The following ITGA8 variants were observed in gnomAD, a reference collection of about 807,000 sequenced individuals.
ITGA8 encodes integrin subunit alpha 8.
A neutral mutation model predicts 142.3 loss-of-function variants in ITGA8; 91 were observed. The observed-to-expected ratio is 0.64, with a 90% CI of 0.54 to 0.76. The LOEUF is 0.76. Ranked by LOEUF, ITGA8 falls within the 30% of genes least tolerant of loss-of-function variation. The pLI is 0.00. For synonymous variants in ITGA8, 505 were observed against 485.2 expected, an observed-to-expected ratio of 1.04 and a Z score of -0.54; for missense variants, 1,406 against 1,327.7, an observed-to-expected ratio of 1.06 and a Z score of -0.92.
At chr10:15,592,349 A>T (rs1832941591) in intron 21 of ITGA8, 45 bp from the exon 22 acceptor site, 1 of 1,401,462 alleles carries the variant, frequency 7.1e-7, no homozygotes, top group East Asian at 2.3e-5. Context: ...TGTACACAAC[A>T]TAAAAATATT....
Position 15,558,145 on chromosome 10 carries a change from T to G in ITGA8, c.2695A>C (p.Ile899Leu). Residue 899 changes from isoleucine (I) to leucine (L), a missense_variant, in exon 26 of 30, where the codon ATT becomes CTT. Transcript: ENST00000378076. ...TCCCTCTTCCTGACAAGATGAGGAA[T>G]AGTAGAGTTTCGCAAAAAGGCGCTG... ...ELSAFLRNST[I>L]PHLVRKRDVH... 1 of 1,614,214 alleles carries G rather than the reference T, an allele frequency of 6.2e-7. No individual in the cohort carries two copies. Among genetic ancestry groups the G allele is most frequent in the Middle Eastern group, 1.7e-4 (1 of 6,056 alleles).
chr10:15,713,670 C>T (rs1835400370), intron 2 of ITGA8, among the ~76,000 whole-genome samples: 1 of 152,092 alleles, frequency 6.6e-6, no homozygotes, highest in Non-Finnish European at 1.5e-5. Context: ...TATAAAAAAA[C>T]AACCCTAAGC....
chr10:15,663,419 A>T (rs1834326873), intron 8 of ITGA8, among the ~76,000 whole-genome samples: 1 of 152,198 alleles, frequency 6.6e-6, no homozygotes. Context: ...TCCTCAAAAC[A>T]CTTAAAACCC....
In ITGA8 at chr10:15,517,030, C is replaced by CATT; in HGVS notation, c.*127_*128insAAT. ...GTGCGGTGTAGATGAGGTGATGTTT[C>CATT]CAGGGTCCCCTCCATTTCCTGGGTC... is the stretch of plus-strand genomic sequence containing the variant. On this transcript the variant is annotated 3_prime_UTR_variant, in exon 30 of 30. Transcript: ENST00000378076. 1.7e-6 allele frequency: 1 copy of CATT among 579,494 alleles called. No individual in the cohort carries two copies. Among genetic ancestry groups the CATT allele is most frequent in the Non-Finnish European group, 2.9e-6 (1 of 348,260 alleles). The allele number at this position is 579,494 out of a possible 1,614,324, so 35.9% of individuals were successfully genotyped here.
At chr10:15,645,063 C>T (rs935466848) in intron 12 of ITGA8, among the ~76,000 whole-genome samples, 2 of 125,216 alleles carry the variant, frequency 1.6e-5, no homozygotes, top group African/African-American at 6.2e-5. Flanking sequence ...CGTGCCACTG[C>T]ACTCTAGCCT....
chr10:15,521,168 G>A (rs4750664), intron 28 of ITGA8, among the ~76,000 whole-genome samples: 1 of 151,528 alleles, frequency 6.6e-6, no homozygotes, highest in African/African-American at 2.4e-5. Flanking sequence ...ATAGGCATGT[G>A]CCACCACACC....
At position 15,659,279 on chromosome 10, in the gene ITGA8, T is replaced by C. The variant is rs1341106; in HGVS notation, c.892-224A>G. On this transcript the variant is annotated intron_variant, in intron 9 of 29. Coordinates refer to ENST00000378076, the MANE Select transcript of ITGA8 (RefSeq NM_003638.3). ...CTGGGATGCTTTCAGAAAAAACGCA[T>C]GCTTATTAATCTGAACTGGAGAAAT... 0.69 allele frequency among the ~76,000 whole-genome samples: 104,885 copies of C among 151,994 alleles called. 37,449 individuals carry two copies. The highest frequency in any genetic ancestry group is 0.85 in the South Asian group (4,108 of 4,816).
At chr10:15,645,015 C>G (rs958992920) in intron 12 of ITGA8, among the ~76,000 whole-genome samples, 1 of 141,340 alleles carries the variant, frequency 7.1e-6, no homozygotes, top group Non-Finnish European at 1.5e-5. Context: ...TTGCTTGAAC[C>G]TGGGAGGTGG....
At chr10:15,640,466 C>T (rs1315297569) in intron 13 of ITGA8, among the ~76,000 whole-genome samples, 3 of 152,198 alleles carry the variant, frequency 2.0e-5, no homozygotes, top group African/African-American at 7.2e-5. Context: ...AATTGTTTAT[C>T]TTTTTAAGTT....
At chr10:15,593,448 T>G (rs957500319) in intron 21 of ITGA8, among the ~76,000 whole-genome samples, 1 of 152,160 alleles carries the variant, frequency 6.6e-6, no homozygotes, top group Non-Finnish European at 1.5e-5. Context: ...ACCTGAGGAT[T>G]AGAGAGATGA....
rs986824303 is a variant in ITGA8 at position 15,514,833 on chromosome 10, A to G, written c.*2325T>C. ...GTGCCCGTCCCTCTAGGAAAGGGCCATCTTGGCTGAGACTCTGGGATGGTG... is the reference window on the plus strand; with the variant it reads ...GTGCCCGTCCCTCTAGGAAAGGGCCGTCTTGGCTGAGACTCTGGGATGGTG... On this transcript the variant is annotated 3_prime_UTR_variant, in exon 30 of 30. Transcript: ENST00000378076. 1 of 152,304 alleles carries G rather than the reference A, an allele frequency of 6.6e-6. No individual in the cohort carries two copies. Among genetic ancestry groups the G allele is most frequent in the African/African-American group, 2.4e-5 (1 of 41,454 alleles). The allele number at this position is 152,304 out of a possible 1,614,324, so 9.4% of individuals were successfully genotyped here.
At chr10:15,702,728 T>C in intron 2 of ITGA8, among the ~76,000 whole-genome samples, 1 of 152,222 alleles carries the variant, frequency 6.6e-6, no homozygotes, top group Non-Finnish European at 1.5e-5. Flanking sequence ...GTGAAATTCC[T>C]TTTTTCCTTG....
At chr10:15,623,593 G>C (rs1340074480) in intron 13 of ITGA8, among the ~76,000 whole-genome samples, 1 of 152,166 alleles carries the variant, frequency 6.6e-6, no homozygotes, top group Non-Finnish European at 1.5e-5. Context: ...GGCTGAGGCA[G>C]GGGAATCGCT....
chr10:15,614,310 G>A (rs1027396486), intron 14 of ITGA8, among the ~76,000 whole-genome samples: 4 of 152,152 alleles, frequency 2.6e-5, no homozygotes, highest in African/African-American at 7.2e-5. Flanking sequence ...AGCAGGGTTT[G>A]CAGAATAATT....
At chr10:15,622,783 C>G (rs1403722391) in intron 13 of ITGA8, among the ~76,000 whole-genome samples, 2 of 151,746 alleles carry the variant, frequency 1.3e-5, no homozygotes, top group Non-Finnish European at 2.9e-5. Flanking sequence ...AGTATTAAAA[C>G]TATAAACATT....
intron 13 of ITGA8, among the ~76,000 whole-genome samples, chr10:15,628,503 T>G (rs1564381577): frequency 6.6e-6 from 1 of 151,540 alleles, no homozygotes; most frequent in Non-Finnish European, 1.5e-5. Flanking sequence ...TGGCTAATTT[T>G]TTATATTTTT....
At chr10:15,661,542 C>T (rs898311987) in intron 8 of ITGA8, among the ~76,000 whole-genome samples, 1 of 152,206 alleles carries the variant, frequency 6.6e-6, no homozygotes, top group African/African-American at 2.4e-5. Flanking sequence ...TTTATGTCTT[C>T]ATTACGAGTC....
In ITGA8 at chr10:15,516,858, T is replaced by TA. The variant is rs1441879941; in HGVS notation, c.*299dup. The TA allele has an allele frequency of 4.0e-6, 1 of 249,190 alleles. No individual in the cohort carries two copies. The highest frequency in any genetic ancestry group is 7.8e-6 in the Non-Finnish European group (1 of 129,004). The allele number at this position is 249,190 out of a possible 1,614,324, so 15.4% of individuals were successfully genotyped here. A position where few individuals can be genotyped will look rare whatever the true frequency, so the allele number is the denominator to read the frequency against. ...TGCTGGATTGATCTGGACTGCAACT[T>TA]ACGTTCCCATACGCATTTCAAAGTG... On this transcript the variant is annotated 3_prime_UTR_variant, in exon 30 of 30. Coordinates refer to ENST00000378076, the MANE Select transcript of ITGA8 (RefSeq NM_003638.3).
chr10:15,719,586 G>C lies in ITGA8; in HGVS notation c.186C>G (p.Asp62Glu). The C allele has an allele frequency of 6.4e-7, 1 of 1,562,320 alleles. No individual in the cohort carries two copies. Among genetic ancestry groups the C allele is most frequent in the Non-Finnish European group, 8.6e-7 (1 of 1,162,050 alleles). The change falls in exon 1 of 30, where the codon GAC becomes GAG. Residue 62 changes from aspartate (D) to glutamate (E), a missense_variant. By Grantham distance (45) the Asp-to-Glu change is conservative. Coordinates refer to ENST00000378076, the MANE Select transcript of ITGA8 (RefSeq NM_003638.3). ...ACGTGCGGGCGTCGGGTATGTGGAAGTCCACGGCGTAGCCGAAGTAGCTGC... is the reference window on the plus strand; with the variant it reads ...ACGTGCGGGCGTCGGGTATGTGGAACTCCACGGCGTAGCCGAAGTAGCTGC... ...PKGSYFGYAV[D>E]FHIPDARTAS... is the part of the protein sequence containing the mutation.
Sources: allele counts gnomAD v4.1 joint callset (sites outside exome capture counted in the v4.1 genomes callset), GRCh38; gene constraint gnomAD v4.1.1; transcripts MANE v1.5; gene names NCBI Gene and HGNC (gene_info 2026-07-23, HGNC 2026-07-21).